Variants in PAX6 observed in about 807,000 individuals in gnomAD.
PAX6 encodes paired box protein Pax-6.
In PAX6, 7 loss-of-function variants were observed where a neutral mutation model predicts 60.7. The ratio of observed to expected loss-of-function variants is 0.12; its 90% CI spans 0.07 to 0.22. The LOEUF is 0.22. Among genes scored for constraint, PAX6 ranks in the 10% least tolerant of loss-of-function variants. PAX6 has a pLI of 1.00. For missense variants in PAX6, 355 were observed against 555.2 expected, an observed-to-expected ratio of 0.64 and a Z score of 3.62; for synonymous variants, 208 against 201.2, an observed-to-expected ratio of 1.03 and a Z score of -0.29.
chr11:31,803,405 C>T (rs1182850612), intron 4 of PAX6: 1 of 158,390 alleles, frequency 6.3e-6, no homozygotes, highest in African/African-American at 2.4e-5. Flanking sequence ...AACCTTACAG[C>T]CCTTGAGTGC....
chr11:31,812,102 A>G (rs886445548), upstream of PAX6: 4 of 152,304 alleles, frequency 2.6e-5, no homozygotes, highest in Non-Finnish European at 5.9e-5. Flanking sequence ...CTTTGTGTAC[A>G]GAGGGTTCTT....
At chr11:31,810,212 C>G (rs1956759673) in intron 2 of PAX6, 1 of 152,374 alleles carries the variant, frequency 6.6e-6, no homozygotes, top group South Asian at 2.1e-4. Flanking sequence ...GGGCTGGTGG[C>G]GGGCGCGGTG....
intron 5 of PAX6, 25 bp downstream of exon 5, chr11:31,802,679 A>T (rs1211877663): frequency 1.9e-6 from 3 of 1,603,026 alleles, no homozygotes; most frequent in Non-Finnish European, 2.6e-6. Flanking sequence ...GGGGGCGGCG[A>T]GTGGGGCGGC....
chr11:31,796,792 A>G (rs1951712058), intron 8 of PAX6, among the ~76,000 whole-genome samples: 1 of 152,116 alleles, frequency 6.6e-6, no homozygotes, highest in South Asian at 2.1e-4. Context: ...TGGGAGAGAG[A>G]GGAAAAGGAG....
rs121907928 is a variant in PAX6, at chr11:31,801,561, G to T, written c.399C>A (p.Ser133Arg). Residue 133 changes from serine (S) to arginine (R), a missense_variant and splice_region_variant, in exon 7 of 14, where the codon AGC becomes AGA. Ser to Arg is a moderately radical substitution (Grantham distance 110). Coordinates refer to ENST00000640368, the MANE Select transcript of PAX6 (RefSeq NM_001368894.2). ...EGVCTNDNIP[S>R]VSSINRVLRN... is the part of the protein sequence containing the mutation. The stretch of plus-strand genomic sequence containing the variant: ...GGGCAGATGTTCTCAATGAACTTAC[G>T]CTTGGTATGTTATCGTTGGTACAGA... 1 of 1,614,162 alleles carries T rather than the reference G, an allele frequency of 6.2e-7. No homozygotes were observed. The highest frequency in any genetic ancestry group is 8.5e-7 in the Non-Finnish European group (1 of 1,180,032).
chr11:31,791,616 AAAG>A (rs2134481523), intron 12 of PAX6: 1 of 153,080 alleles, frequency 6.5e-6, no homozygotes, highest in African/African-American at 2.4e-5. Context: ...GGATGAATTA[AAAG>A]AAGTGTGTCG....
intron 8 of PAX6, among the ~76,000 whole-genome samples, chr11:31,797,625 C>G (rs1248928015): frequency 1.3e-5 from 2 of 151,820 alleles, no homozygotes; most frequent in Non-Finnish European, 2.9e-5. Flanking sequence ...GGAGACAGTT[C>G]ATTACTTTAG....
intron 5 of PAX6, chr11:31,802,415 C>T (rs1320848288): frequency 2.3e-6 from 1 of 428,996 alleles, no homozygotes; most frequent in African/African-American, 2.0e-5. Flanking sequence ...CAATGAATGT[C>T]TTTACCAAAT....
rs1956936648 is a variant in PAX6 at position 31,810,910 on chromosome 11, T to C, written c.-211A>G. 2.5e-6 allele frequency: 1 copy of C among 399,292 alleles called. No homozygotes were observed. Among genetic ancestry groups the C allele is most frequent in the Non-Finnish European group, 4.4e-6 (1 of 226,156 alleles). 24.7% of individuals were successfully genotyped at this position (399,292 alleles called of 1,614,324 possible). On this transcript the variant is annotated 5_prime_UTR_variant, in exon 2 of 14. Coordinates refer to ENST00000640368, the MANE Select transcript of PAX6 (RefSeq NM_001368894.2). ...GGGTTTTTTGTGCTGCTGTTGTTGC[T>C]TGAAGACCACAATGGTTTGAAATGA... is the stretch of plus-strand genomic sequence containing the variant.
intron 13 of PAX6, 85 bp downstream of exon 13, chr11:31,790,625 C>T (rs1026889695): frequency 1.3e-6 from 2 of 1,594,086 alleles, no homozygotes; most frequent in Admixed American, 1.7e-5. Context: ...AACACGCCCT[C>T]CCATAAGACC....
intron 12 of PAX6, 57 bp from the exon 13 acceptor site, chr11:31,790,917 C>G (rs760868924): frequency 6.3e-7 from 1 of 1,575,482 alleles, no homozygotes; most frequent in African/African-American, 1.3e-5. Context: ...CAGCCACAGC[C>G]CCAGGCTCCC....
chr11:31,790,920 A>AGG (rs780535957), intron 12 of PAX6, 60 bp from the exon 13 acceptor site: 1 of 1,570,182 alleles, frequency 6.4e-7, no homozygotes, highest in Non-Finnish European at 8.7e-7. Context: ...CCACAGCCCC[A>AGG]GGCTCCCTCC....
chr11:31,801,814 T>C, intron 6 of PAX6, 38 bp from the exon 7 acceptor site: 1 of 1,614,142 alleles, frequency 6.2e-7, no homozygotes, highest in Non-Finnish European at 8.5e-7. Flanking sequence ...ACATTATTAA[T>C]AATTTCAAGA....
chr11:31,795,426 T>A (rs1036445389), intron 8 of PAX6, among the ~76,000 whole-genome samples: 1 of 152,236 alleles, frequency 6.6e-6, no homozygotes, highest in Non-Finnish European at 1.5e-5. Context: ...CAGCTGTAAT[T>A]ATATCATCAC....
At chr11:31,805,353 G>T (rs977132847) in intron 4 of PAX6, 18 of 152,444 alleles carry the variant, frequency 1.2e-4, no homozygotes, top group African/African-American at 4.1e-4. Flanking sequence ...CGCAAAGCTC[G>T]CCACCTTTGT....
At position 31,793,842 on chromosome 11, in the gene PAX6, C is replaced by T. The variant is rs543467397; in HGVS notation, c.808-40G>A. On this transcript the variant is annotated intron_variant, in intron 10 of 13. Transcript: ENST00000640368. ...GGACAGGTTAGCACTGTGTCTACGT[C>T]GAGCCCAGCCCCACCTTGGCACCTC... The T allele has an allele frequency of 6.2e-6, 10 of 1,613,280 alleles. No individual in the cohort carries two copies. In the African/African-American group the frequency reaches 1.1e-4, roughly 17 times the overall value.
chr11:31,798,711 G>T (rs993495948), intron 8 of PAX6, among the ~76,000 whole-genome samples: 2 of 152,220 alleles, frequency 1.3e-5, no homozygotes, highest in Admixed American at 1.3e-4. Flanking sequence ...CTAGCAACTA[G>T]GCGCGTTAAA....
intron 4 of PAX6, chr11:31,806,193 C>G (rs574115671): frequency 9.0e-5 from 48 of 533,350 alleles, no homozygotes; most frequent in Non-Finnish European, 1.5e-4. Context: ...GGGCCCAGCC[C>G]CTGCTTCTCC....
In PAX6 at chr11:31,801,648, A is replaced by G. The variant is rs1394063251; in HGVS notation, c.312T>C (p.Tyr104=). ...TPEVVSKIAQ[Y]KRECPSIFAW... ...CAAAGATGGACGGGCACTCCCGCTTATACTGGGCTATTTTGCTTACAACTT... is the reference window on the plus strand; with the variant it reads ...CAAAGATGGACGGGCACTCCCGCTTGTACTGGGCTATTTTGCTTACAACTT... Residue 104 remains tyrosine (Y), a synonymous_variant, in exon 7 of 14, where the codon TAT becomes TAC. Coordinates refer to ENST00000640368, the MANE Select transcript of PAX6 (RefSeq NM_001368894.2). 1.2e-6 allele frequency: 2 copies of G among 1,614,026 alleles called. No homozygotes were observed. Among genetic ancestry groups the G allele is most frequent in the African/African-American group, 1.3e-5 (1 of 74,890 alleles).
Sources: gnomAD v4.1 joint callset for allele counts (sites outside exome capture counted in the v4.1 genomes callset) on GRCh38, gnomAD v4.1.1 for gene constraint, MANE v1.5 for transcripts, NCBI Gene and HGNC (gene_info 2026-07-23, HGNC 2026-07-21) for gene names.